ANLN: variants seen among roughly 807,000 people sequenced by gnomAD.
The protein encoded by ANLN is anillin, actin binding protein.
A neutral mutation model predicts 135.1 loss-of-function variants in ANLN; 59 were observed. That is an observed-to-expected ratio of 0.44 (90% CI 0.35 to 0.54). The LOEUF is 0.54. Ranked by LOEUF, ANLN falls within the 20% of genes least tolerant of loss-of-function variation. ANLN has a pLI of 0.00. For synonymous variants in ANLN, 406 were observed against 456.4 expected, an observed-to-expected ratio of 0.89 and a Z score of 1.41; for missense variants, 1,182 against 1,340.0, an observed-to-expected ratio of 0.88 and a Z score of 1.84.
At chr7:36,410,971 A>G in intron 6 of ANLN, 88 bp from the exon 7 acceptor site, 1 of 1,276,642 alleles carries the variant, frequency 7.8e-7, no homozygotes. Flanking sequence ...AAACAGTTTA[A>G]AACTGCAAAC....
Position 36,428,429 on chromosome 7 carries a change from T to C in ANLN, c.2883+1401T>C, listed in dbSNP as rs1788174958. 5 of 867,596 alleles carry C rather than the reference T, an allele frequency of 5.8e-6. No individual in the cohort carries two copies. In the South Asian group the frequency reaches 6.0e-5, roughly 10 times the overall value. 53.7% of individuals were successfully genotyped at this position (867,596 alleles called of 1,614,324 possible). A position where few individuals can be genotyped will look rare whatever the true frequency, so the allele number is the denominator to read the frequency against. On this transcript the variant is annotated intron_variant, in intron 20 of 23. Coordinates refer to ENST00000265748, the MANE Select transcript of ANLN (RefSeq NM_018685.5). ...CAATCCTTAATTTTTGATCTACATATATTTGTTTTACTAACTATCTTTTTG... is the reference window on the plus strand; with the variant it reads ...CAATCCTTAATTTTTGATCTACATACATTTGTTTTACTAACTATCTTTTTG...
At chr7:36,446,458 GA>G (rs1440700370) in intron 22 of ANLN, among the ~76,000 whole-genome samples, 2 of 152,152 alleles carry the variant, frequency 1.3e-5, no homozygotes, top group East Asian at 3.9e-4. Flanking sequence ...GGCTGTACTG[GA>G]AGCATGATGC....
At chr7:36,443,629 AC>A (rs1402506256) in intron 21 of ANLN, 125 bp from the exon 22 acceptor site, 1 of 592,368 alleles carries the variant, frequency 1.7e-6, no homozygotes, top group Non-Finnish European at 3.0e-6. Flanking sequence ...TGATAAAAAA[AC>A]ATACAAATAG....
chr7:36,442,052 G>A (rs1234475457), intron 21 of ANLN, among the ~76,000 whole-genome samples: 4 of 152,122 alleles, frequency 2.6e-5, no homozygotes, highest in Admixed American at 1.3e-4. Context: ...GCTCCCACAC[G>A]TCATGGCCAG....
intron 7 of ANLN, among the ~76,000 whole-genome samples, chr7:36,414,882 T>C (rs1010790775): frequency 2.0e-5 from 3 of 152,156 alleles, no homozygotes; most frequent in Admixed American, 6.5e-5. Context: ...ATACTTAACT[T>C]TTTTGTGTCT....
intron 22 of ANLN, among the ~76,000 whole-genome samples, chr7:36,445,492 G>A (rs1307741866): frequency 6.6e-6 from 1 of 152,034 alleles, no homozygotes; most frequent in Non-Finnish European, 1.5e-5. Flanking sequence ...AAATTTGTCT[G>A]GGGTGGTATG....
chr7:36,422,775 A>C lies in ANLN; in HGVS notation c.2442A>C (p.Lys814Asn). 1 of 1,612,562 alleles carries C rather than the reference A, an allele frequency of 6.2e-7. No homozygotes were observed. The highest frequency in any genetic ancestry group is 8.5e-7 in the Non-Finnish European group (1 of 1,179,476). The stretch of plus-strand genomic sequence containing the variant: ...TGTCAGAAATCCGCTTGCCTCTAAA[A>C]GCAGATTTTGTCTGCAGTACGGTTC... Reference protein sequence around the residue: ...VTLSEIRLPLKADFVCSTVQK... With the variant: ...VTLSEIRLPLNADFVCSTVQK... The change falls in exon 14 of 24, where the codon AAA (lysine) becomes AAC (asparagine). Residue 814 changes from lysine (K) to asparagine (N), a missense_variant. Transcript: ENST00000265748.
intron 1 of ANLN, among the ~76,000 whole-genome samples, chr7:36,391,039 A>G (rs908236856): frequency 1.3e-5 from 2 of 152,254 alleles, no homozygotes; most frequent in African/African-American, 2.4e-5. Context: ...TTATAATTCT[A>G]TAAGTTATGT....
intron 3 of ANLN, among the ~76,000 whole-genome samples, chr7:36,405,197 G>C (rs914033088): frequency 1.3e-5 from 2 of 152,176 alleles, no homozygotes; most frequent in Non-Finnish European, 2.9e-5. Flanking sequence ...CAGGTTTTTA[G>C]CCTAGGAGCA....
At position 36,433,985 on chromosome 7, in the gene ANLN, G is replaced by A. The variant is rs564651531; in HGVS notation, c.2884-5219G>A. ...AATGTTTTTGTTTTCTAATTCTAAC[G>A]TTTAGATCATCTGTGGATCTGCTAT... On this transcript the variant is annotated intron_variant, in intron 20 of 23. Transcript: ENST00000265748. 2.5e-4 allele frequency among the ~76,000 whole-genome samples: 38 copies of A among 151,814 alleles called. 1 individual carries two copies. Among genetic ancestry groups the A allele is most frequent in the Admixed American group, 9.8e-4 (15 of 15,260 alleles).
rs952390956 is a variant in ANLN at position 36,406,652 on chromosome 7, A to G, written c.873+86A>G. 7.6e-6 allele frequency: 9 copies of G among 1,185,336 alleles called. No homozygotes were observed. The Admixed American group carries it at 2.4e-4, about 32-fold the overall frequency. 73.4% of individuals were successfully genotyped at this position (1,185,336 alleles called of 1,614,324 possible). ...TACATCTGTGTGTATGTGCAGGTGG[A>G]TGGGTGGATATATGTTTTATAATAG... On this transcript the variant is annotated intron_variant, in intron 4 of 23. Coordinates refer to ENST00000265748, the MANE Select transcript of ANLN (RefSeq NM_018685.5).
intron 1 of ANLN, chr7:36,390,442 G>T (rs956989755): frequency 5.5e-5 from 13 of 235,578 alleles, no homozygotes; most frequent in African/African-American, 2.9e-4. Flanking sequence ...ACTCAGTGCG[G>T]CTGCCGCCGG....
intron 10 of ANLN, 140 bp downstream of exon 10, chr7:36,419,619 A>G (rs555084470): frequency 1.5e-6 from 1 of 669,356 alleles, no homozygotes; most frequent in East Asian, 2.7e-5. Flanking sequence ...TTCTCTTAAA[A>G]GAAACCTTAA....
chr7:36,429,698 T>G (rs967615965), intron 20 of ANLN, among the ~76,000 whole-genome samples: 1 of 152,212 alleles, frequency 6.6e-6, no homozygotes, highest in Admixed American at 6.5e-5. Context: ...TACTCAGTAT[T>G]GTCACATAGC....
intron 9 of ANLN, 150 bp from the exon 10 acceptor site, chr7:36,419,094 T>G: frequency 1.7e-6 from 1 of 574,808 alleles, no homozygotes; most frequent in East Asian, 2.9e-5. Flanking sequence ...CATTTATTAG[T>G]AGTATTTTCT....
Position 36,411,167 on chromosome 7 carries a change from G to C in ANLN, c.1395+1G>C, listed in dbSNP as rs1199961231. Reference sequence around the variant, plus strand: ...AAGCAAACAACTAGAAACCAAACAGGTAATGTAAACAAGAAATATAAAAAC... The same window carrying C: ...AAGCAAACAACTAGAAACCAAACAGCTAATGTAAACAAGAAATATAAAAAC... On this transcript the variant is annotated splice_donor_variant, in intron 7 of 23. Transcript: ENST00000265748. LOFTEE classifies it high-confidence loss of function. 1.2e-6 allele frequency: 2 copies of C among 1,600,812 alleles called. No homozygotes were observed. Among genetic ancestry groups the C allele is most frequent in the East Asian group, 2.2e-5 (1 of 44,706 alleles).
Position 36,413,993 on chromosome 7 carries a change from CAA to C in ANLN, c.1396-1754_1396-1753del, listed in dbSNP as rs35961056. 3.8e-4 allele frequency among the ~76,000 whole-genome samples: 51 copies of C among 133,956 alleles called. No homozygotes were observed. In the Middle Eastern group the frequency reaches 0.012, roughly 30 times the overall value. 87.9% of individuals were successfully genotyped at this position (133,956 alleles called of 152,430 possible). A position where few individuals can be genotyped will look rare whatever the true frequency, so the allele number is the denominator to read the frequency against. On this transcript the variant is annotated intron_variant, in intron 7 of 23. Transcript: ENST00000265748. ...TGGGCAATGGAGTGAGACTCCGTCTCAAAAAAAAAAAAGGAAATAAAGTCAAG... is the reference window on the plus strand; with the variant it reads ...TGGGCAATGGAGTGAGACTCCGTCTCAAAAAAAAAAGGAAATAAAGTCAAG...
intron 20 of ANLN, among the ~76,000 whole-genome samples, chr7:36,435,741 C>T (rs1788510295): frequency 6.7e-6 from 1 of 150,338 alleles, no homozygotes; most frequent in Admixed American, 6.6e-5. Flanking sequence ...GGCGTGGTAG[C>T]GGGCGCCTGT....
chr7:36,425,293 C>CTTTTTTT (rs1221400271), intron 17 of ANLN, among the ~76,000 whole-genome samples: 1 of 123,616 alleles, frequency 8.1e-6, no homozygotes, highest in Non-Finnish European at 1.7e-5. Flanking sequence ...AGAACTCATT[C>CTTTTTTT]TTTTTTTTTT....
Sources: allele counts gnomAD v4.1 joint callset (sites outside exome capture counted in the v4.1 genomes callset), GRCh38; gene constraint gnomAD v4.1.1; transcripts MANE v1.5; gene names NCBI Gene and HGNC (gene_info 2026-07-23, HGNC 2026-07-21).